Variants in CDH23 observed in about 807,000 individuals in gnomAD.
CDH23 encodes the protein cadherin related 23, also known as cadherin-23.
A neutral mutation model predicts 317.1 loss-of-function variants in CDH23; 189 were observed. The observed-to-expected ratio is 0.60, with a 90% CI of 0.53 to 0.67. The LOEUF (loss-of-function observed/expected upper bound fraction) is 0.67, where lower values mean the gene tolerates loss of function less well. Among genes scored for constraint, CDH23 ranks in the 30% least tolerant of loss-of-function variants. The pLI, the probability that CDH23 is intolerant of heterozygous loss-of-function variation, is 0.00. For synonymous variants in CDH23, 1,839 were observed against 1,876.8 expected (o/e 0.98, Z 0.52); for missense variants, 4,401 against 4,592.4 (o/e 0.96, Z 1.20).
chr10:71,677,149 A>T (rs1005882565), intron 15 of CDH23, among the ~76,000 whole-genome samples: 4 of 152,236 alleles, frequency 2.6e-5, no homozygotes, highest in African/African-American at 9.6e-5. Context: ...GTTCTCCAGC[A>T]TCTAAATATC....
chr10:71,810,443 C>T (rs1189640091), intron 61 of CDH23, 29 bp from the exon 62 acceptor site: 2 of 1,608,756 alleles, frequency 1.2e-6, no homozygotes, highest in Admixed American at 1.7e-5. Context: ...CTGTGGTGGC[C>T]ACACCCTACA....
At chr10:71,760,752 C>T in intron 38 of CDH23, 1 of 921,022 alleles carries the variant, frequency 1.1e-6, no homozygotes, top group Non-Finnish European at 1.8e-6. Context: ...AGGAGGAGGA[C>T]CGGGGGGTTC....
intron 11 of CDH23, among the ~76,000 whole-genome samples, chr10:71,629,030 C>T (rs1861883285): frequency 6.6e-6 from 1 of 152,222 alleles, no homozygotes; most frequent in African/African-American, 2.4e-5. Context: ...TAGCAGGCGC[C>T]CACGGGCCTC....
chr10:71,672,242 G>C (rs1055526947), intron 14 of CDH23, among the ~76,000 whole-genome samples: 3 of 152,080 alleles, frequency 2.0e-5, no homozygotes, highest in African/African-American at 7.2e-5. Flanking sequence ...GCTACACGTG[G>C]TCCAGTCTGG....
At chr10:71,645,713 A>G (rs1051494814) in intron 12 of CDH23, 118 bp from the exon 13 acceptor site, 20 of 1,188,002 alleles carry the variant, frequency 1.7e-5, no homozygotes, top group Non-Finnish European at 2.5e-5. Flanking sequence ...CGCCTCATCC[A>G]TTGCCCCAAC....
At chr10:71,632,284 G>T (rs949979254) in intron 11 of CDH23, among the ~76,000 whole-genome samples, 3 of 152,200 alleles carry the variant, frequency 2.0e-5, no homozygotes, top group East Asian at 3.8e-4. Flanking sequence ...AAATCAGCAA[G>T]TGCGTAATTT....
chr10:71,800,666 C>T lies in CDH23; in HGVS notation c.7393C>T (p.Arg2465Trp), dbSNP rs760879110. Reference protein sequence around the residue: ...GDIYVLSSLDREKKDHYILTA... With the variant: ...GDIYVLSSLDWEKKDHYILTA... ...CATCTATGTGCTGTCTTCTCTGGACCGGGAGAAGAAGGACCACTATATCCT... is the reference window on the plus strand; with the variant it reads ...CATCTATGTGCTGTCTTCTCTGGACTGGGAGAAGAAGGACCACTATATCCT... Residue 2465 changes from arginine to tryptophan, a missense_variant, in exon 53 of 70, where the codon CGG (arginine) becomes TGG (tryptophan). Transcript: ENST00000224721. 12 of 1,613,904 alleles carry T rather than the reference C, an allele frequency of 7.4e-6. No homozygotes were observed. The highest frequency in any genetic ancestry group is 5.5e-5 in the South Asian group (5 of 91,070).
intron 3 of CDH23, among the ~76,000 whole-genome samples, chr10:71,467,973 C>T (rs1195940638): frequency 1.3e-5 from 2 of 152,184 alleles, no homozygotes; most frequent in Non-Finnish European, 2.9e-5. Flanking sequence ...GCAGATGCTT[C>T]CTGAGCCTTC....
At chr10:71,797,636 G>A (rs1192288543) in intron 49 of CDH23, among the ~76,000 whole-genome samples, 2 of 152,220 alleles carry the variant, frequency 1.3e-5, no homozygotes, top group African/African-American at 2.4e-5. Context: ...CACAAAGGAA[G>A]CAAAGAATGA....
At chr10:71,467,823 C>A (rs1026369074) in intron 3 of CDH23, among the ~76,000 whole-genome samples, 1 of 152,134 alleles carries the variant, frequency 6.6e-6, no homozygotes, top group Non-Finnish European at 1.5e-5. Flanking sequence ...CGCAGAGGAG[C>A]AAACTGAGGT....
chr10:71,733,394 C>A (rs150102490), intron 32 of CDH23, among the ~76,000 whole-genome samples: 1 of 152,180 alleles, frequency 6.6e-6, no homozygotes, highest in Non-Finnish European at 1.5e-5. Flanking sequence ...GAATCTCCAG[C>A]CTCTGTCCTC....
chr10:71,757,201 G>A (rs1200165676), intron 38 of CDH23, among the ~76,000 whole-genome samples: 1 of 152,210 alleles, frequency 6.6e-6, no homozygotes, highest in African/African-American at 2.4e-5. Context: ...TCCTCTGGAC[G>A]GCTAGTAAGC....
In CDH23 at chr10:71,759,695, C is replaced by T. The variant is rs377436784; in HGVS notation, c.4845+17774C>T. 7.8e-4 allele frequency among the ~76,000 whole-genome samples: 118 copies of T among 151,876 alleles called. 1 individual carries two copies. The highest frequency in any genetic ancestry group is 2.7e-3 in the African/African-American group (113 of 41,388). On this transcript the variant is annotated intron_variant, in intron 38 of 69. Transcript: ENST00000224721. Reference sequence around the variant, plus strand: ...TGTGGTGCACGCCTGTAATCTCATCCTAGCTACTCGGGAGGCTGAGGCAGA... The same window carrying T: ...TGTGGTGCACGCCTGTAATCTCATCTTAGCTACTCGGGAGGCTGAGGCAGA...
At chr10:71,590,799 G>A (rs950570848) in intron 9 of CDH23, among the ~76,000 whole-genome samples, 5 of 148,056 alleles carry the variant, frequency 3.4e-5, no homozygotes, top group African/African-American at 1.0e-4. Flanking sequence ...CCAGGGGTTC[G>A]AAGCTGCAGT....
intron 38 of CDH23, 47 bp downstream of exon 38, chr10:71,741,968 G>A (rs2132848379): frequency 1.4e-6 from 2 of 1,455,222 alleles, no homozygotes; most frequent in Non-Finnish European, 1.9e-6. Flanking sequence ...GGCCAGGGCA[G>A]CTCCGCCTCC....
At chr10:71,572,089 G>A (rs1857856750) in intron 8 of CDH23, among the ~76,000 whole-genome samples, 1 of 152,224 alleles carries the variant, frequency 6.6e-6, no homozygotes, top group Admixed American at 6.5e-5. Context: ...TAAGAAGCAG[G>A]ATCCTTTCCG....
At chr10:71,651,505 C>T (rs1025526898) in intron 14 of CDH23, among the ~76,000 whole-genome samples, 3 of 151,256 alleles carry the variant, frequency 2.0e-5, no homozygotes, top group African/African-American at 7.3e-5. Context: ...CTCCAGTGAG[C>T]CGTGAGCCAC....
intron 10 of CDH23, among the ~76,000 whole-genome samples, chr10:71,616,320 A>G (rs1301382614): frequency 1.3e-5 from 2 of 152,206 alleles, no homozygotes; most frequent in African/African-American, 2.4e-5. Flanking sequence ...TTCCAGCGCC[A>G]TGGGGAGGAT....
chr10:71,574,537 C>A (rs571164399), intron 8 of CDH23, among the ~76,000 whole-genome samples: 12 of 152,166 alleles, frequency 7.9e-5, no homozygotes, highest in Middle Eastern at 3.2e-3. Context: ...CCTGCTCCCC[C>A]CAAGGACGCC....
Sources: gnomAD v4.1 joint callset for allele counts (sites outside exome capture counted in the v4.1 genomes callset) on GRCh38, gnomAD v4.1.1 for gene constraint, MANE v1.5 for transcripts, NCBI Gene and HGNC (gene_info 2026-07-23, HGNC 2026-07-21) for gene names.